Variants in TMEM87B observed in about 807,000 individuals in gnomAD.
The protein encoded by TMEM87B is transmembrane protein 87B.
A neutral mutation model predicts 80.3 loss-of-function variants in TMEM87B; 83 were observed. The observed-to-expected ratio is 1.03, with a 90% confidence interval of 0.87 to 1.24. The LOEUF is 1.24. TMEM87B is among the 50% of genes most tolerant of loss of function. The pLI is 0.00. For synonymous variants in TMEM87B, 219 were observed against 230.5 expected (o/e 0.95, Z 0.45); for missense variants, 625 against 674.4 (o/e 0.93, Z 0.81).
At chr2:112,056,513 A>T (rs1188994176) in intron 1 of TMEM87B, among the ~76,000 whole-genome samples, 1 of 152,202 alleles carries the variant, frequency 6.6e-6, no homozygotes, top group Non-Finnish European at 1.5e-5. Context: ...GGGCAGAATT[A>T]TGGAAAGTCT....
At chr2:112,107,046 A>C (rs988909473) in intron 16 of TMEM87B, among the ~76,000 whole-genome samples, 2 of 152,190 alleles carry the variant, frequency 1.3e-5, no homozygotes, top group African/African-American at 4.8e-5. Context: ...GATACAAATA[A>C]ATAGGCTTTT....
At chr2:112,085,634 A>G (rs986658621) in intron 8 of TMEM87B, among the ~76,000 whole-genome samples, 3 of 152,244 alleles carry the variant, frequency 2.0e-5, no homozygotes, top group Non-Finnish European at 4.4e-5. Flanking sequence ...AAATGAATAC[A>G]TGATGAGGAG....
chr2:112,071,296 T>A (rs1045197066), intron 4 of TMEM87B, among the ~76,000 whole-genome samples: 4 of 141,252 alleles, frequency 2.8e-5, no homozygotes, highest in African/African-American at 1.1e-4. Context: ...ATGCTAGTGA[T>A]TCCCCCCCCG....
chr2:112,071,318 C>T (rs1334054602), intron 4 of TMEM87B, among the ~76,000 whole-genome samples: 33 of 144,880 alleles, frequency 2.3e-4, no homozygotes, highest in Non-Finnish European at 4.0e-4. Context: ...CCCCCCGCCG[C>T]CGCCACCACT....
At chr2:112,081,849 A>G (rs775160839) in intron 8 of TMEM87B, among the ~76,000 whole-genome samples, 3 of 152,166 alleles carry the variant, frequency 2.0e-5, no homozygotes, top group African/African-American at 7.2e-5. Context: ...TCCTTTTAAC[A>G]TACTTCTCCT....
intron 17 of TMEM87B, among the ~76,000 whole-genome samples, chr2:112,112,136 G>A (rs923954682): frequency 6.6e-6 from 1 of 152,168 alleles, no homozygotes; most frequent in Non-Finnish European, 1.5e-5. Flanking sequence ...GGCGTTGTGC[G>A]TGGCTCTTTC....
chr2:112,077,759 A>G (rs1319683935), intron 6 of TMEM87B, among the ~76,000 whole-genome samples: 3 of 152,220 alleles, frequency 2.0e-5, no homozygotes, highest in African/African-American at 7.2e-5. Context: ...GTGGTCTGTG[A>G]GGCACCCCCA....
chr2:112,095,508 A>AT lies in TMEM87B; in HGVS notation c.1105-1527dup, dbSNP rs551556805. 742 of 920,608 alleles carry AT rather than the reference A, an allele frequency of 8.1e-4. 9 individuals carry two copies. In the East Asian group the frequency reaches 0.048, roughly 60 times the overall value. The allele number at this position is 920,608 out of a possible 1,614,324, so 57.0% of individuals were successfully genotyped here. A position where few individuals can be genotyped will look rare whatever the true frequency, so the allele number is the denominator to read the frequency against. On this transcript the variant is annotated intron_variant, in intron 11 of 18. Coordinates refer to ENST00000283206, the MANE Select transcript of TMEM87B (RefSeq NM_032824.3). ...TTTTAAAATTATTAAACCAGACCAG[A>AT]TTTTTTTTTAATCCTAGAAATTTGG...
chr2:112,071,127 C>T (rs934473560), intron 4 of TMEM87B, among the ~76,000 whole-genome samples: 5 of 151,794 alleles, frequency 3.3e-5, no homozygotes, highest in African/African-American at 1.2e-4. Flanking sequence ...CCCGGCTGAG[C>T]ATGGAACATC....
intron 15 of TMEM87B, among the ~76,000 whole-genome samples, chr2:112,104,966 T>C (rs1679725242): frequency 6.6e-6 from 1 of 152,206 alleles, no homozygotes; most frequent in Admixed American, 6.5e-5. Flanking sequence ...GATGATTATC[T>C]AAATCAGAGC....
intron 17 of TMEM87B, among the ~76,000 whole-genome samples, chr2:112,109,657 G>A (rs998786219): frequency 2.7e-5 from 3 of 110,136 alleles, no homozygotes; most frequent in Non-Finnish European, 3.7e-5. Flanking sequence ...ATATGCCTAA[G>A]TATGGTCTTT....
intron 2 of TMEM87B, among the ~76,000 whole-genome samples, chr2:112,062,156 G>A (rs949237738): frequency 2.0e-5 from 3 of 152,200 alleles, no homozygotes; most frequent in African/African-American, 7.2e-5. Context: ...TCTACCATTG[G>A]GAAAGGGTGA....
At chr2:112,061,188 G>T (rs1378978674) in intron 2 of TMEM87B, among the ~76,000 whole-genome samples, 1 of 152,178 alleles carries the variant, frequency 6.6e-6, no homozygotes, top group Non-Finnish European at 1.5e-5. Flanking sequence ...AACTACCAAG[G>T]TTTTTTAAGA....
In TMEM87B at chr2:112,076,842, T is replaced by TG. The variant is rs1678831446; in HGVS notation, c.502-350_502-349insG. 2.4e-4 allele frequency among the ~76,000 whole-genome samples: 33 copies of TG among 139,264 alleles called. 1 individual carries two copies. Among genetic ancestry groups the TG allele is most frequent in the Admixed American group, 1.7e-3 (24 of 13,716 alleles). The allele number at this position is 139,264 out of a possible 152,430, so 91.4% of individuals were successfully genotyped here. On this transcript the variant is annotated intron_variant, in intron 5 of 18. Transcript: ENST00000283206. ...CACTACCTGCCATTCCTTTTCTGTTTTGTGTGTGTGTGTGTGTGTGTGTGT... is the reference window on the plus strand; with the variant it reads ...CACTACCTGCCATTCCTTTTCTGTTTGTGTGTGTGTGTGTGTGTGTGTGTGT...
intron 3 of TMEM87B, among the ~76,000 whole-genome samples, chr2:112,066,657 AT>A (rs1244460512): frequency 5.9e-5 from 9 of 152,304 alleles, no homozygotes; most frequent in African/African-American, 2.2e-4. Context: ...TCTGGGAACT[AT>A]TTCATTGTAG....
rs1678013897 is a variant in TMEM87B, at chr2:112,055,517, C to T, written c.-75C>T. The T allele has an allele frequency of 1.4e-6, 2 of 1,388,888 alleles. No individual in the cohort carries two copies. Among genetic ancestry groups the T allele is most frequent in the Non-Finnish European group, 1.9e-6 (2 of 1,072,922 alleles). The allele number at this position is 1,388,888 out of a possible 1,614,324, so 86.0% of individuals were successfully genotyped here. A position where few individuals can be genotyped will look rare whatever the true frequency, so the allele number is the denominator to read the frequency against. On this transcript the variant is annotated 5_prime_UTR_variant, in exon 1 of 19. Transcript: ENST00000283206. ...CCCCGCGTCCCGGATTCGGACCCGC[C>T]TGCCTGGGGCGGTGCTGCACCAGGT...
rs545235079 is a variant in TMEM87B, at chr2:112,074,114, A to G, written c.451-798A>G. Among the ~76,000 whole-genome samples, 6 of 152,168 alleles carry G rather than the reference A, an allele frequency of 3.9e-5. No individual in the cohort carries two copies. In the South Asian group the frequency reaches 1.0e-3, roughly 26 times the overall value. ...ACATTGTGGGTTTGATCGTGTCATC[A>G]TGTTGTTAGCTGGTTATTACGCAGA... On this transcript the variant is annotated intron_variant, in intron 4 of 18. Coordinates refer to ENST00000283206, the MANE Select transcript of TMEM87B (RefSeq NM_032824.3).
chr2:112,086,176 G>A, intron 9 of TMEM87B, 72 bp downstream of exon 9: 3 of 1,214,956 alleles, frequency 2.5e-6, no homozygotes, highest in Non-Finnish European at 3.5e-6. Flanking sequence ...TATGACCTTT[G>A]TGAAAATGGA....
In TMEM87B at chr2:112,091,850, A is replaced by T. The variant is rs891537310; in HGVS notation, c.1104+67A>T. The T allele has an allele frequency of 4.9e-6, 6 of 1,233,238 alleles. No individual in the cohort carries two copies. In the African/African-American group the frequency reaches 9.0e-5, roughly 19 times the overall value. 76.4% of individuals were successfully genotyped at this position (1,233,238 alleles called of 1,614,324 possible). On this transcript the variant is annotated intron_variant, in intron 11 of 18. Coordinates refer to ENST00000283206, the MANE Select transcript of TMEM87B (RefSeq NM_032824.3). ...GAAAATCAGATTACATGTAATTTGT[A>T]ATAACAATAGAAAGAAATACAGTTA... is the stretch of plus-strand genomic sequence containing the variant.
Sources: gnomAD v4.1 joint callset for allele counts (sites outside exome capture counted in the v4.1 genomes callset) on GRCh38, gnomAD v4.1.1 for gene constraint, MANE v1.5 for transcripts, NCBI Gene and HGNC (gene_info 2026-07-23, HGNC 2026-07-21) for gene names.